PHACTR1: variants seen among roughly 807,000 people sequenced by gnomAD.
PHACTR1 encodes RPEL repeat containing 1.
A neutral mutation model predicts 69.2 loss-of-function variants in PHACTR1; 16 were observed. The ratio of observed to expected loss-of-function variants is 0.23; its 90% CI spans 0.16 to 0.35. The LOEUF (loss-of-function observed/expected upper bound fraction) is 0.35, where lower values mean the gene tolerates loss of function less well. PHACTR1 is among the 10% of genes least tolerant of loss of function. The pLI is 1.00. For missense variants in PHACTR1, 510 were observed against 734.7 expected, an observed-to-expected ratio of 0.69 and a Z score of 3.54; for synonymous variants, 312 against 284.5, an observed-to-expected ratio of 1.10 and a Z score of -0.97.
At chr6:12,819,444 G>C (rs1775960282) in intron 4 of PHACTR1, among the ~76,000 whole-genome samples, 1 of 152,116 alleles carries the variant, frequency 6.6e-6, no homozygotes, top group African/African-American at 2.4e-5. Context: ...ATGTTTATTT[G>C]ATATAGGTGA....
intron 7 of PHACTR1, among the ~76,000 whole-genome samples, chr6:13,200,897 T>C (rs113392531): frequency 0.029 from 4,274 of 148,024 alleles, 212 homozygotes; most frequent in African/African-American, 0.099. Flanking sequence ...GAGCTGAGGT[T>C]ACACCATTGC....
intron 3 of PHACTR1, among the ~76,000 whole-genome samples, chr6:12,742,272 C>T (rs1765151533): frequency 6.6e-6 from 1 of 152,062 alleles, no homozygotes; most frequent in African/African-American, 2.4e-5. Flanking sequence ...TGGGTGGTTC[C>T]CAGAGCTTAG....
chr6:12,722,037 C>A (rs1024241954), intron 3 of PHACTR1, among the ~76,000 whole-genome samples: 5 of 152,202 alleles, frequency 3.3e-5, no homozygotes, highest in African/African-American at 1.2e-4. Context: ...CATGGCAGTT[C>A]TCTATTTGGC....
chr6:13,012,239 G>T (rs2127647156), intron 4 of PHACTR1, among the ~76,000 whole-genome samples: 1 of 152,222 alleles, frequency 6.6e-6, no homozygotes, highest in East Asian at 1.9e-4. Context: ...GGTAGAATTG[G>T]AGTGATCAGA....
At chr6:12,865,593 G>A (rs191671409) in intron 4 of PHACTR1, among the ~76,000 whole-genome samples, 19 of 152,208 alleles carry the variant, frequency 1.2e-4, no homozygotes, top group Admixed American at 4.6e-4. Flanking sequence ...AGGCAGTGGC[G>A]TGCTCAGTAG....
intron 5 of PHACTR1, among the ~76,000 whole-genome samples, chr6:13,142,076 T>C (rs1192239021): frequency 6.6e-6 from 1 of 152,168 alleles, no homozygotes; most frequent in African/African-American, 2.4e-5. Context: ...GGAAAGCACA[T>C]TTCTAAATTA....
chr6:13,257,296 C>G (rs981963890), intron 10 of PHACTR1, among the ~76,000 whole-genome samples: 3 of 152,002 alleles, frequency 2.0e-5, no homozygotes, highest in Non-Finnish European at 4.4e-5. Flanking sequence ...TCATGAGAAA[C>G]CACCCCCATG....
chr6:13,068,019 T>TA (rs1482992005), intron 5 of PHACTR1, among the ~76,000 whole-genome samples: 1 of 152,086 alleles, frequency 6.6e-6, no homozygotes, highest in Non-Finnish European at 1.5e-5. Flanking sequence ...AACATAGGGA[T>TA]AAAACTGGCA....
At chr6:12,915,268 G>A (rs983395548) in intron 4 of PHACTR1, among the ~76,000 whole-genome samples, 3 of 152,150 alleles carry the variant, frequency 2.0e-5, no homozygotes. Context: ...CATTTTGGGA[G>A]GCCAAGGCAG....
intron 5 of PHACTR1, among the ~76,000 whole-genome samples, chr6:13,092,411 A>G (rs1271670917): frequency 1.3e-5 from 2 of 152,352 alleles, no homozygotes; most frequent in East Asian, 3.9e-4. Flanking sequence ...TGAACCAGGC[A>G]GATGTCATTC....
chr6:12,987,009 T>C (rs921094195), intron 4 of PHACTR1, among the ~76,000 whole-genome samples: 1 of 152,206 alleles, frequency 6.6e-6, no homozygotes, highest in Non-Finnish European at 1.5e-5. Context: ...CTGTGCATTT[T>C]TTACAATAGG....
intron 7 of PHACTR1, among the ~76,000 whole-genome samples, chr6:13,203,412 C>T (rs142042209): frequency 6.6e-6 from 1 of 152,326 alleles, no homozygotes; most frequent in African/African-American, 2.4e-5. Flanking sequence ...CTACCTCAGA[C>T]TTGTTGTAAG....
At chr6:13,001,299 G>A (rs960886946) in intron 4 of PHACTR1, among the ~76,000 whole-genome samples, 1 of 152,164 alleles carries the variant, frequency 6.6e-6, no homozygotes, top group Admixed American at 6.5e-5. Flanking sequence ...CAGCTTTCGA[G>A]TATTTTTTCA....
At position 13,024,215 on chromosome 6, in the gene PHACTR1, G is replaced by A. The variant is rs564292840; in HGVS notation, c.251-29150G>A. 9.9e-5 allele frequency among the ~76,000 whole-genome samples: 15 copies of A among 152,232 alleles called. No homozygotes were observed. The South Asian group carries it at 2.5e-3, about 25-fold the overall frequency. On this transcript the variant is annotated intron_variant, in intron 4 of 14. Coordinates refer to ENST00000332995, the MANE Select transcript of PHACTR1 (RefSeq NM_030948.6). ...TAAGATTTGGCACCAGTATGTCCTC[G>A]CACAACTTGAAGGCTGAAATCTGCT...
chr6:13,078,630 T>G (rs1810910385), intron 5 of PHACTR1, among the ~76,000 whole-genome samples: 1 of 152,174 alleles, frequency 6.6e-6, no homozygotes, highest in South Asian at 2.1e-4. Flanking sequence ...TATCCAGAGC[T>G]GTGGTCTATC....
intron 4 of PHACTR1, among the ~76,000 whole-genome samples, chr6:12,800,952 T>C (rs896923932): frequency 2.0e-5 from 3 of 152,116 alleles, no homozygotes; most frequent in Non-Finnish European, 4.4e-5. Context: ...ATTTTCTAAA[T>C]GGTGAATTAT....
At position 12,731,157 on chromosome 6, in the gene PHACTR1, A is replaced by G. The variant is rs184435993; in HGVS notation, c.103+12310A>G. ...CAGCCTCCTGAGTAGCTGGGATTAC[A>G]GGTGCCCGCCACCATGCCTGGCTAA... On this transcript the variant is annotated intron_variant, in intron 3 of 14. Coordinates refer to ENST00000332995, the MANE Select transcript of PHACTR1 (RefSeq NM_030948.6). Among the ~76,000 whole-genome samples the G allele has an allele frequency of 1.4e-4, 21 of 152,048 alleles. No individual in the cohort carries two copies. The East Asian group carries it at 1.9e-3, about 14-fold the overall frequency.
At position 13,231,084 on chromosome 6, in the gene PHACTR1, GAA is replaced by G. The variant is rs1562036973; in HGVS notation, c.1391+892_1391+893del. 5.2e-4 allele frequency among the ~76,000 whole-genome samples: 10 copies of G among 19,128 alleles called. 1 individual carries two copies. Among genetic ancestry groups the G allele is most frequent in the African/African-American group, 3.0e-3 (8 of 2,634 alleles). 12.5% of individuals were successfully genotyped at this position (19,128 alleles called of 152,430 possible). ...GGAAGGAAGGAAGGAAGGAAGGAAG[GAA>G]GAAGGAAGGAAGGGAAAAGAAAGAA... On this transcript the variant is annotated intron_variant, in intron 10 of 14. Transcript: ENST00000332995.
intron 4 of PHACTR1, among the ~76,000 whole-genome samples, chr6:13,021,046 G>A (rs1800901654): frequency 6.6e-6 from 1 of 152,108 alleles, no homozygotes; most frequent in African/African-American, 2.4e-5. Flanking sequence ...CTAATTTAAG[G>A]TATGTAATTT....
Sources: allele counts gnomAD v4.1 joint callset (sites outside exome capture counted in the v4.1 genomes callset), GRCh38; gene constraint gnomAD v4.1.1; transcripts MANE v1.5; gene names NCBI Gene and HGNC (gene_info 2026-07-23, HGNC 2026-07-21).